YLPM1: variants seen among roughly 807,000 people sequenced by gnomAD.
The protein encoded by YLPM1 is YLP motif-containing protein 1.
In YLPM1, 99 loss-of-function variants were observed where a neutral mutation model predicts 230.0. The ratio of observed to expected loss-of-function variants is 0.43; its 90% CI spans 0.37 to 0.51. The LOEUF (loss-of-function observed/expected upper bound fraction) is 0.51, where lower values mean the gene tolerates loss of function less well. YLPM1 is among the 20% of genes least tolerant of loss of function. The pLI, the probability that YLPM1 is intolerant of heterozygous loss-of-function variation, is 0.00. For missense variants in YLPM1, 2,592 were observed against 2,707.7 expected (o/e 0.96, Z 0.95); for synonymous variants, 984 against 942.5 (o/e 1.04, Z -0.81).
At chr14:74,817,381 G>A (rs970397978) in intron 15 of YLPM1, 104 bp downstream of exon 15, 3 of 1,059,366 alleles carry the variant, frequency 2.8e-6, no homozygotes, top group African/African-American at 3.2e-5. Flanking sequence ...AGATTATAAT[G>A]TATTTTTATT....
intron 11 of YLPM1, among the ~76,000 whole-genome samples, 164 bp downstream of exon 11, chr14:74,812,946 A>G (rs564882631): frequency 1.3e-5 from 2 of 152,326 alleles, no homozygotes; most frequent in South Asian, 4.2e-4. Context: ...AATGGCCTAC[A>G]CTATAGAATC....
intron 6 of YLPM1, among the ~76,000 whole-genome samples, chr14:74,805,163 G>A (rs1311389763): frequency 6.6e-6 from 1 of 151,872 alleles, no homozygotes; most frequent in African/African-American, 2.4e-5. Context: ...GGGATTACAG[G>A]TGCCTGGCAC....
At chr14:74,805,045 A>G (rs1209834658) in intron 6 of YLPM1, among the ~76,000 whole-genome samples, 2 of 142,756 alleles carry the variant, frequency 1.4e-5, no homozygotes, top group African/African-American at 5.2e-5. Flanking sequence ...TTTGAAATGG[A>G]GTCTCACTCT....
Position 74,778,623 on chromosome 14 carries a change from G to A in YLPM1, c.1050G>A (p.Glu350=), listed in dbSNP as rs1244924652. 3 of 1,593,776 alleles carry A rather than the reference G, an allele frequency of 1.9e-6. No homozygotes were observed. The South Asian group carries it at 3.4e-5, about 18-fold the overall frequency. Residue 350 remains glutamate, a synonymous_variant, in exon 2 of 21, where the codon GAG becomes GAA. Coordinates refer to ENST00000325680, the MANE Select transcript of YLPM1 (RefSeq NM_019589.3). The part of the protein sequence containing the change: ...SQVPESPSSE[E]PPLPPPNEEV... ...TTCCAGAATCTCCTTCTTCTGAGGA[G>A]CCCCCATTGCCACCTCCAAATGAGG...
At chr14:74,822,979 T>A (rs2091534575) in intron 17 of YLPM1, among the ~76,000 whole-genome samples, 2 of 152,124 alleles carry the variant, frequency 1.3e-5, no homozygotes, top group African/African-American at 2.4e-5. Context: ...AGATGTAACT[T>A]GTCTTCAGTA....
intron 1 of YLPM1, among the ~76,000 whole-genome samples, chr14:74,765,197 C>T (rs1022935681): frequency 2.0e-5 from 3 of 152,228 alleles, no homozygotes; most frequent in East Asian, 1.9e-4. Context: ...AACGAGTTCC[C>T]CCTTGAGAGA....
intron 1 of YLPM1, among the ~76,000 whole-genome samples, chr14:74,773,252 C>T (rs537401573): frequency 2.0e-5 from 3 of 152,104 alleles, no homozygotes; most frequent in African/African-American, 4.8e-5. Flanking sequence ...CGCGCCACTG[C>T]GCTCCAGCCT....
chr14:74,764,720 T>G (rs1180872182), intron 1 of YLPM1, among the ~76,000 whole-genome samples: 1 of 152,218 alleles, frequency 6.6e-6, no homozygotes, highest in Non-Finnish European at 1.5e-5. Flanking sequence ...AACGAAAGTT[T>G]CCATTTGAGA....
At chr14:74,834,783 A>G (rs1288506198) in intron 19 of YLPM1, 1 of 156,538 alleles carries the variant, frequency 6.4e-6, no homozygotes, top group Non-Finnish European at 1.4e-5. Context: ...GTTGCAGGAA[A>G]GTGTAGTTGG....
rs146513667 is a variant in YLPM1 at position 74,836,166 on chromosome 14, G to T, written c.*428G>T. The T allele has an allele frequency of 5.2e-6, 1 of 193,692 alleles. No individual in the cohort carries two copies. The highest frequency in any genetic ancestry group is 2.4e-5 in the African/African-American group (1 of 41,838). 12.0% of individuals were successfully genotyped at this position (193,692 alleles called of 1,614,324 possible). A position where few individuals can be genotyped will look rare whatever the true frequency, so the allele number is the denominator to read the frequency against. On this transcript the variant is annotated 3_prime_UTR_variant, in exon 21 of 21. Coordinates refer to ENST00000325680, the MANE Select transcript of YLPM1 (RefSeq NM_019589.3). Reference sequence around the variant, plus strand: ...AACAATAAACTTTCATGATAAAGCCGATGAGATTCATGGGCTATACAGCAT... The same window carrying T: ...AACAATAAACTTTCATGATAAAGCCTATGAGATTCATGGGCTATACAGCAT...
Position 74,763,538 on chromosome 14 carries a change from C to T in YLPM1, c.49C>T (p.Pro17Ser). ...TGGCGGGAGCAGCCACTATCCGCCG[C>T]CACCGGTCCCACCGCCGCCGCCAGT... is the stretch of plus-strand genomic sequence containing the variant. ...RYGGSSHYPP[P>S]PVPPPPPVAL... is the part of the protein sequence containing the mutation. The change falls in exon 1 of 21, where the codon CCA becomes TCA. Residue 17 changes from proline (P) to serine (S), a missense_variant. Physicochemically the swap from Pro to Ser is moderately conservative, Grantham distance 74. Around this residue, in one of 4 missense-constraint regions of YLPM1, gnomAD observed 1,862 missense variants for 1,819.8 expected, o/e 1.02. Transcript: ENST00000325680. The T allele has an allele frequency of 1.3e-6, 2 of 1,521,800 alleles. No individual in the cohort carries two copies. The highest frequency in any genetic ancestry group is 1.9e-4 in the Middle Eastern group (1 of 5,270). The allele number at this position is 1,521,800 out of a possible 1,614,324, so 94.3% of individuals were successfully genotyped here. A position where few individuals can be genotyped will look rare whatever the true frequency, so the allele number is the denominator to read the frequency against.
intron 19 of YLPM1, among the ~76,000 whole-genome samples, chr14:74,833,034 T>G (rs2091619630): frequency 6.6e-6 from 1 of 151,210 alleles, no homozygotes; most frequent in African/African-American, 2.4e-5. Flanking sequence ...TTACTTTTTC[T>G]TTATTCAATG....
Position 74,775,801 on chromosome 14 carries a change from C to T in YLPM1, c.874-2646C>T, listed in dbSNP as rs559218338. Among the ~76,000 whole-genome samples the T allele has an allele frequency of 8.5e-4, 129 of 152,212 alleles. 1 individual carries two copies. The highest frequency in any genetic ancestry group is 1.7e-3 in the East Asian group (9 of 5,188). The stretch of plus-strand genomic sequence containing the variant: ...TTGAAAAAATATTTTAGGGATTTAT[C>T]GATTTTTATACGGACTGTTTTTCAA... On this transcript the variant is annotated intron_variant, in intron 1 of 20. Transcript: ENST00000325680.
In YLPM1 at chr14:74,776,591, A is replaced by C. The variant is rs1324191436; in HGVS notation, c.874-1856A>C. 3.9e-5 allele frequency among the ~76,000 whole-genome samples: 6 copies of C among 152,342 alleles called. 1 individual carries two copies. In the South Asian group the frequency reaches 1.2e-3, roughly 32 times the overall value. ...AAAAGTTTGACAAATGTGTCTCTAA[A>C]TAGACTGAAAATGACACTTATTTAT... On this transcript the variant is annotated intron_variant, in intron 1 of 20. Transcript: ENST00000325680.
At chr14:74,797,148 ATTTTTTTT>A (rs71303895) in intron 4 of YLPM1, among the ~76,000 whole-genome samples, 29 of 100,800 alleles carry the variant, frequency 2.9e-4, no homozygotes, top group Non-Finnish European at 5.7e-5. Flanking sequence ...AAATTTTTGT[ATTTTTTTT>A]TTTTTTTTTT....
chr14:74,789,606 C>CTTT (rs145215430), intron 4 of YLPM1, among the ~76,000 whole-genome samples: 1 of 125,560 alleles, frequency 8.0e-6, no homozygotes, highest in Non-Finnish European at 1.7e-5. Context: ...TCTTTCTTTT[C>CTTT]TTTTTTTTTT....
chr14:74,835,669 C>G (rs996362639), intron 20 of YLPM1, 106 bp from the exon 21 acceptor site: 1 of 445,974 alleles, frequency 2.2e-6, no homozygotes, highest in African/African-American at 2.0e-5. Context: ...TTGAGAAAAA[C>G]TTGAATTCTA....
At position 74,781,949 on chromosome 14, in the gene YLPM1, C is replaced by G. The variant is rs45617140; in HGVS notation, c.1906C>G (p.Pro636Ala). The G allele has an allele frequency of 0.091, 146,675 of 1,613,592 alleles. 7,348 individuals carry two copies. The highest frequency in any genetic ancestry group is 0.11 in the Middle Eastern group (662 of 6,062). ...TACACCTCCTCCAGGAATACCTCCCCCTGGAGTTCCACAAGGGATACCTCC... is the reference window on the plus strand; with the variant it reads ...TACACCTCCTCCAGGAATACCTCCCGCTGGAGTTCCACAAGGGATACCTCC... The part of the protein sequence containing the change: ...SATPPPGIPP[P>A]GVPQGIPPQL... The change falls in exon 4 of 21, where the codon CCT becomes GCT. Residue 636 changes from proline (P) to alanine (A), a missense_variant. By Grantham distance (27) the Pro-to-Ala change is conservative. Transcript: ENST00000325680.
chr14:74,835,919 C>T lies in YLPM1; in HGVS notation c.*181C>T, dbSNP rs1345172494. On this transcript the variant is annotated 3_prime_UTR_variant, in exon 21 of 21. Coordinates refer to ENST00000325680, the MANE Select transcript of YLPM1 (RefSeq NM_019589.3). ...CAGTGTCCCCAAGAGGTATTAGAAT[C>T]TTGCTGTACCCAAGCAAGACGTTAA... The T allele has an allele frequency of 2.2e-6, 1 of 454,942 alleles. No homozygotes were observed. The highest frequency in any genetic ancestry group is 4.4e-6 in the Non-Finnish European group (1 of 226,362). 28.2% of individuals were successfully genotyped at this position (454,942 alleles called of 1,614,324 possible).
Sources: gnomAD v4.1 joint callset for allele counts (sites outside exome capture counted in the v4.1 genomes callset) on GRCh38, gnomAD v4.1.1 for gene constraint, gnomAD v4.1.1 regional missense constraint, MANE v1.5 for transcripts, NCBI Gene and HGNC (gene_info 2026-07-23, HGNC 2026-07-21) for gene names.